BCO2: variants seen among roughly 807,000 people sequenced by gnomAD.
BCO2 encodes the protein beta-carotene oxygenase 2.
In BCO2, 56 loss-of-function variants were observed where a neutral mutation model predicts 65.8. That is an observed-to-expected ratio of 0.85 (90% CI 0.69 to 1.06). The LOEUF is 1.06. Among genes scored for constraint, BCO2 ranks in the 50% least tolerant of loss-of-function variants. The probability of loss-of-function intolerance (pLI) is 0.00; values close to 1 mark genes in which losing one functional copy is unlikely to be tolerated. For missense variants in BCO2, 675 were observed against 698.5 expected (o/e 0.97, Z 0.38); for synonymous variants, 233 against 242.3 (o/e 0.96, Z 0.36).
At chr11:112,197,467 G>A (rs1253468122) in intron 5 of BCO2, among the ~76,000 whole-genome samples, 2 of 151,794 alleles carry the variant, frequency 1.3e-5, no homozygotes, top group African/African-American at 4.8e-5. Flanking sequence ...AGGATCACTT[G>A]AGACCAGAAG....
intron 2 of BCO2, 123 bp downstream of exon 2, chr11:112,179,605 A>C: frequency 1.1e-6 from 1 of 876,464 alleles, no homozygotes; most frequent in Non-Finnish European, 1.8e-6. Context: ...GATTACAGAT[A>C]AAGAAACTGT....
rs1040680251 is a variant in BCO2, at chr11:112,179,855, A to G, written c.293+373A>G. 7.0e-5 allele frequency: 17 copies of G among 243,862 alleles called. No homozygotes were observed. In the South Asian group the frequency reaches 8.7e-4, roughly 12 times the overall value. 15.1% of individuals were successfully genotyped at this position (243,862 alleles called of 1,614,324 possible). ...ACACATGGTCTTTTTCAGTTCCTCA[A>G]ACTGGGCACAGTTGTATCTTCTCAG... On this transcript the variant is annotated intron_variant, in intron 2 of 11. Transcript: ENST00000357685.
rs577992786 is a variant in BCO2, at chr11:112,212,253, T to C, written c.1195-1471T>C. ...AAAACACACTTACTTTATTTGGGTC[T>C]CCTGCTTAAACATCATCTCTATGGA... On this transcript the variant is annotated intron_variant, in intron 8 of 11. Transcript: ENST00000357685. 2.0e-5 allele frequency among the ~76,000 whole-genome samples: 3 copies of C among 152,348 alleles called. No individual in the cohort carries two copies. In the East Asian group the frequency reaches 5.8e-4, roughly 29 times the overall value.
At chr11:112,206,415 T>C (rs1859341670) in intron 8 of BCO2, among the ~76,000 whole-genome samples, 4 of 152,214 alleles carry the variant, frequency 2.6e-5, no homozygotes, top group Admixed American at 2.0e-4. Context: ...GCTTTTCCCA[T>C]TTTTTAATTG....
At position 112,216,321 on chromosome 11, in the gene BCO2, T is replaced by G; in HGVS notation, c.1617T>G (p.Thr539=). The G allele has an allele frequency of 6.2e-7, 1 of 1,612,102 alleles. No homozygotes were observed. The highest frequency in any genetic ancestry group is 8.5e-7 in the Non-Finnish European group (1 of 1,178,196). ...GGGTTATTCTTTCTGTGGTGATCAC[T>G]CCCAACCAGGTAAATATATTTCCCT... is the stretch of plus-strand genomic sequence containing the variant. ...DGGVILSVVI[T]PNQNESNFIL... is the part of the protein sequence containing the mutation. The change falls in exon 11 of 12, where the codon ACT becomes ACG. Residue 539 remains threonine, a synonymous_variant. Transcript: ENST00000357685.
At position 112,213,131 on chromosome 11, in the gene BCO2, C is replaced by CTTTTTTTTTTTTTTT. The variant is rs35527541; in HGVS notation, c.1195-578_1195-564dup. 1.1e-4 allele frequency among the ~76,000 whole-genome samples: 7 copies of CTTTTTTTTTTTTTTT among 63,064 alleles called. 1 individual carries two copies. Among genetic ancestry groups the CTTTTTTTTTTTTTTT allele is most frequent in the African/African-American group, 5.2e-4 (7 of 13,348 alleles). 41.4% of individuals were successfully genotyped at this position (63,064 alleles called of 152,430 possible). ...TGTTTATTTGATGCTAATTAAATAA[C>CTTTTTTTTTTTTTTT]TTTTTTTTTTTTTTTTTTTTTTTTT... On this transcript the variant is annotated intron_variant, in intron 8 of 11. Transcript: ENST00000357685.
chr11:112,204,129 C>T (rs1369936584), intron 8 of BCO2, among the ~76,000 whole-genome samples: 6 of 152,216 alleles, frequency 3.9e-5, no homozygotes, highest in Non-Finnish European at 8.8e-5. Context: ...GCTGGGATTA[C>T]AGGCGTGAGC....
chr11:112,182,836 A>T, intron 2 of BCO2: 1 of 424,706 alleles, frequency 2.4e-6, no homozygotes, highest in African/African-American at 4.8e-5. Context: ...CATGTACCCT[A>T]GAACTTATAT....
At chr11:112,217,554 G>A (rs1411568928) in intron 11 of BCO2, among the ~76,000 whole-genome samples, 1 of 151,970 alleles carries the variant, frequency 6.6e-6, no homozygotes, top group South Asian at 2.1e-4. Context: ...TAGAGATGGG[G>A]TTTTGCCATG....
At chr11:112,176,567 C>A (rs61899683) in intron 1 of BCO2, 1 of 143,830 alleles carries the variant, frequency 7.0e-6, no homozygotes, top group Non-Finnish European at 1.5e-5. Context: ...AAGTCACCTG[C>A]AAGAAGTAAT....
chr11:112,201,067 A>T (rs944033924), intron 7 of BCO2, among the ~76,000 whole-genome samples: 2 of 152,140 alleles, frequency 1.3e-5, no homozygotes, highest in Non-Finnish European at 2.9e-5. Context: ...GTTGCTAAAG[A>T]GGGTGTTGTT....
chr11:112,212,308 C>T (rs980189563), intron 8 of BCO2, among the ~76,000 whole-genome samples: 1 of 152,130 alleles, frequency 6.6e-6, no homozygotes, highest in African/African-American at 2.4e-5. Context: ...CCAGGATCAC[C>T]CCTAGGTTTG....
At chr11:112,178,334 G>T (rs1039847889) in intron 1 of BCO2, among the ~76,000 whole-genome samples, 1 of 152,140 alleles carries the variant, frequency 6.6e-6, no homozygotes, top group African/African-American at 2.4e-5. Flanking sequence ...TCATATAGGG[G>T]AGTAGAATGT....
chr11:112,209,344 A>G (rs574194667), intron 8 of BCO2, among the ~76,000 whole-genome samples: 1 of 152,330 alleles, frequency 6.6e-6, no homozygotes, highest in South Asian at 2.1e-4. Context: ...TTGGAATCAT[A>G]CAGTATGTAG....
At chr11:112,177,083 T>G (rs956255929) in intron 1 of BCO2, among the ~76,000 whole-genome samples, 3 of 152,202 alleles carry the variant, frequency 2.0e-5, no homozygotes, top group African/African-American at 7.2e-5. Flanking sequence ...TATCTCTACT[T>G]AGACAAATGC....
intron 2 of BCO2, among the ~76,000 whole-genome samples, chr11:112,189,781 T>C (rs989852445): frequency 4.6e-5 from 7 of 152,324 alleles, no homozygotes; most frequent in Admixed American, 4.6e-4. Context: ...TCAAAAAAAT[T>C]ACCAGGCCCA....
chr11:112,199,925 G>T, intron 6 of BCO2, 98 bp downstream of exon 6: 1 of 1,396,802 alleles, frequency 7.2e-7, no homozygotes, highest in Non-Finnish European at 9.9e-7. Flanking sequence ...AGTTTATCAC[G>T]CTATGGTGAT....
chr11:112,195,603 C>T (rs537425721), intron 5 of BCO2, among the ~76,000 whole-genome samples: 62 of 152,020 alleles, frequency 4.1e-4, no homozygotes, highest in Admixed American at 3.9e-3. Flanking sequence ...CCACCATGCC[C>T]GGCTAATTTT....
intron 2 of BCO2, chr11:112,183,052 C>A (rs1566768452): frequency 2.0e-5 from 23 of 1,176,058 alleles, no homozygotes; most frequent in Non-Finnish European, 2.2e-5. Context: ...AGAGGAGCGA[C>A]TCTGGCAGGA....
Sources: gnomAD v4.1 joint callset for allele counts (sites outside exome capture counted in the v4.1 genomes callset) on GRCh38, gnomAD v4.1.1 for gene constraint, MANE v1.5 for transcripts, NCBI Gene and HGNC (gene_info 2026-07-23, HGNC 2026-07-21) for gene names.